ARV1: variants seen among roughly 807,000 people sequenced by gnomAD.
ARV1 encodes ARV1 fatty acid homeostasis modulator.
In ARV1, 26 loss-of-function variants were observed where a neutral mutation model predicts 31.1. The ratio of observed to expected loss-of-function variants is 0.84; its 90% CI spans 0.61 to 1.16. The LOEUF is 1.16. ARV1 is among the 50% of genes most tolerant of loss of function. The pLI is 0.00. For synonymous variants in ARV1, 117 were observed against 123.2 expected, an observed-to-expected ratio of 0.95 and a Z score of 0.34; for missense variants, 281 against 324.9, an observed-to-expected ratio of 0.86 and a Z score of 1.04.
intron 1 of ARV1, among the ~76,000 whole-genome samples, chr1:230,983,305 G>A (rs972326650): frequency 2.0e-5 from 3 of 151,712 alleles, no homozygotes; most frequent in Admixed American, 6.6e-5. Flanking sequence ...CCAGCTACTC[G>A]GGAGGCTGAG....
At chr1:230,979,761 G>A (rs1678790168) in intron 1 of ARV1, among the ~76,000 whole-genome samples, 1 of 152,118 alleles carries the variant, frequency 6.6e-6, no homozygotes, top group South Asian at 2.1e-4. Context: ...ACCCAAAAGT[G>A]AGGAAGTAAA....
intron 3 of ARV1, among the ~76,000 whole-genome samples, chr1:230,994,051 G>C (rs1190514816): frequency 6.6e-6 from 1 of 152,128 alleles, no homozygotes; most frequent in Non-Finnish European, 1.5e-5. Context: ...AGATTTTCCC[G>C]AAGTCTCACA....
chr1:230,982,085 C>T (rs529623166), intron 1 of ARV1, among the ~76,000 whole-genome samples: 1 of 152,336 alleles, frequency 6.6e-6, no homozygotes, highest in African/African-American at 2.4e-5. Flanking sequence ...AAGTAAGCTA[C>T]ACAAGGACAG....
chr1:230,989,229 C>G (rs569806811), intron 2 of ARV1, among the ~76,000 whole-genome samples: 40 of 152,242 alleles, frequency 2.6e-4, no homozygotes, highest in Middle Eastern at 3.4e-3. Context: ...GCCTCTACCT[C>G]CTGGGTTCAA....
intron 1 of ARV1, among the ~76,000 whole-genome samples, chr1:230,982,768 G>A (rs1337462005): frequency 6.6e-6 from 1 of 152,088 alleles, no homozygotes; most frequent in African/African-American, 2.4e-5. Context: ...AAACCATGAA[G>A]CAATGAATTA....
chr1:230,985,709 A>G (rs1286816586), intron 1 of ARV1, among the ~76,000 whole-genome samples: 1 of 152,114 alleles, frequency 6.6e-6, no homozygotes, highest in Non-Finnish European at 1.5e-5. Flanking sequence ...CCATTTTAAC[A>G]TGAAGCAGCC....
chr1:230,991,860 C>T (rs1057509816), intron 3 of ARV1, among the ~76,000 whole-genome samples: 1 of 152,050 alleles, frequency 6.6e-6, no homozygotes, highest in African/African-American at 2.4e-5. Context: ...GAACTTCTGA[C>T]CTCGTGATCC....
chr1:230,994,011 C>G (rs1415396045), intron 3 of ARV1, among the ~76,000 whole-genome samples: 1 of 152,176 alleles, frequency 6.6e-6, no homozygotes, highest in Non-Finnish European at 1.5e-5. Context: ...AGGGGTTCCC[C>G]CATCTATAGC....
At chr1:230,996,835 GT>G (rs1448046503) in intron 4 of ARV1, among the ~76,000 whole-genome samples, 3 of 152,158 alleles carry the variant, frequency 2.0e-5, no homozygotes, top group African/African-American at 7.2e-5. Context: ...TGTTGTTGTC[GT>G]TATTCTCTTA....
chr1:230,992,679 G>A (rs1435338388), intron 3 of ARV1, among the ~76,000 whole-genome samples: 1 of 152,158 alleles, frequency 6.6e-6, no homozygotes, highest in African/African-American at 2.4e-5. Flanking sequence ...CTTAACTTGA[G>A]CAAGTCACCA....
chr1:230,984,019 G>A (rs1678981781), intron 1 of ARV1, among the ~76,000 whole-genome samples: 2 of 152,220 alleles, frequency 1.3e-5, no homozygotes, highest in South Asian at 4.1e-4. Context: ...CAGATCACTT[G>A]AGGTCAGTAG....
At chr1:230,986,536 C>T (rs921260462) in intron 1 of ARV1, among the ~76,000 whole-genome samples, 12 of 152,084 alleles carry the variant, frequency 7.9e-5, no homozygotes, top group Admixed American at 2.0e-4. Context: ...CAGTAGTCCC[C>T]GTTCTCTTTG....
intron 2 of ARV1, among the ~76,000 whole-genome samples, chr1:230,988,780 T>C (rs1679149059): frequency 6.6e-6 from 1 of 152,204 alleles, no homozygotes; most frequent in Admixed American, 6.5e-5. Context: ...TATACCTAAA[T>C]GAGTTAAGCA....
At chr1:230,984,800 T>C (rs1162170433) in intron 1 of ARV1, among the ~76,000 whole-genome samples, 1 of 152,240 alleles carries the variant, frequency 6.6e-6, no homozygotes, top group Non-Finnish European at 1.5e-5. Context: ...TTCTAAATCC[T>C]TCATTATAAT....
At chr1:230,988,582 T>C (rs1679144976) in intron 2 of ARV1, 143 bp downstream of exon 2, 2 of 649,036 alleles carry the variant, frequency 3.1e-6, no homozygotes, top group Non-Finnish European at 4.8e-6. Flanking sequence ...TATTGCAACA[T>C]ATCTGGAAGT....
rs929060861 is a variant in ARV1, at chr1:230,991,275, G to T, written c.448+1012G>T. Among the ~76,000 whole-genome samples, 5 of 152,078 alleles carry T rather than the reference G, an allele frequency of 3.3e-5. No individual in the cohort carries two copies. In the Middle Eastern group the frequency reaches 0.014, roughly 417 times the overall value. On this transcript the variant is annotated intron_variant, in intron 3 of 5. Coordinates refer to ENST00000310256, the MANE Select transcript of ARV1 (RefSeq NM_022786.3). ...AGTCCACTCCAATATCACATTTCTGGGCTGTGTGTCTTCTTTTGTCCTCTT... is the reference window on the plus strand; with the variant it reads ...AGTCCACTCCAATATCACATTTCTGTGCTGTGTGTCTTCTTTTGTCCTCTT...
rs757148471 is a variant in ARV1, at chr1:230,990,190, T to C, written c.375T>C (p.Asn125=). Residue 125 remains asparagine, a synonymous_variant, in exon 3 of 6, where the codon AAT becomes AAC. Transcript: ENST00000310256. ...GGCAGCTTCAAGATTCCAACCAGAA[T>C]ACTGCCCCTGATGACTTGATCAGAT... The part of the protein sequence containing the change: ...RWWQLQDSNQ[N]TAPDDLIRYA... 1.2e-5 allele frequency: 19 copies of C among 1,613,288 alleles called. No individual in the cohort carries two copies. The highest frequency in any genetic ancestry group is 8.9e-5 in the East Asian group (4 of 44,842).
chr1:230,986,668 ATTTTTTTTTTTTTTTTTTTT>A lies in ARV1; in HGVS notation c.175-1633_175-1614del, dbSNP rs1162209283. ...CACCCACAAATGTAATACTTTTCCT[ATTTTTTTTTTTTTTTTTTTT>A]TTTTTTTTTTTTTTTTTTGAGAGAG... On this transcript the variant is annotated intron_variant, in intron 1 of 5. Transcript: ENST00000310256. Among the ~76,000 whole-genome samples the A allele has an allele frequency of 4.3e-3, 266 of 62,356 alleles. 2 individuals are homozygous for A. Among genetic ancestry groups the A allele is most frequent in the African/African-American group, 0.014 (246 of 17,818 alleles). The allele number at this position is 62,356 out of a possible 152,430, so 40.9% of individuals were successfully genotyped here.
intron 2 of ARV1, among the ~76,000 whole-genome samples, chr1:230,989,811 G>A (rs935971420): frequency 3.3e-5 from 5 of 152,192 alleles, no homozygotes; most frequent in Non-Finnish European, 7.3e-5. Context: ...AACTAGGGGT[G>A]CACATTAGAA....
Sources: gnomAD v4.1 joint callset for allele counts (sites outside exome capture counted in the v4.1 genomes callset) on GRCh38, gnomAD v4.1.1 for gene constraint, MANE v1.5 for transcripts, NCBI Gene and HGNC (gene_info 2026-07-23, HGNC 2026-07-21) for gene names.